Variants in FAM83H observed in about 807,000 individuals in gnomAD.
FAM83H encodes the protein protein FAM83H.
FAM83H carries 24 observed loss-of-function variants against 30.2 expected under a neutral mutation model. The ratio of observed to expected loss-of-function variants is 0.79; its 90% confidence interval spans 0.57 to 1.12. FAM83H has a LOEUF of 1.12. Ranked by LOEUF, FAM83H falls within the 50% of genes most tolerant of loss-of-function variation. The pLI, the probability that FAM83H is intolerant of heterozygous loss-of-function variation, is 0.00. For synonymous variants in FAM83H, 1,013 were observed against 821.7 expected (o/e 1.23, Z -3.98); for missense variants, 2,038 against 1,773.9 (o/e 1.15, Z -2.67).
intron 4 of FAM83H, 87 bp downstream of exon 4, chr8:143,728,880 G>C: frequency 6.2e-7 from 1 of 1,605,666 alleles, no homozygotes; most frequent in Non-Finnish European, 8.5e-7. Flanking sequence ...AGGGCTCCTG[G>C]CGAGGAGGGC....
Position 143,725,901 on chromosome 8 carries a change from G to C in FAM83H, c.*20C>G. 6.2e-7 allele frequency: 1 copy of C among 1,611,602 alleles called. No homozygotes were observed. Among genetic ancestry groups the C allele is most frequent in the Non-Finnish European group, 8.5e-7 (1 of 1,179,408 alleles). ...GGCAGCGATGCGGGCACCCTGGCCT[G>C]GGTTGCCAGGCCAGAAGACTCACTT... is the stretch of plus-strand genomic sequence containing the variant. On this transcript the variant is annotated 3_prime_UTR_variant, in exon 5 of 5. Transcript: ENST00000388913.
Position 143,727,175 on chromosome 8 carries a change from C to T in FAM83H, c.2286G>A (p.Lys762=). 1 of 1,533,874 alleles carries T rather than the reference C, an allele frequency of 6.5e-7. No homozygotes were observed. The highest frequency in any genetic ancestry group is 8.7e-7 in the Non-Finnish European group (1 of 1,145,676). The change falls in exon 5 of 5, where the codon AAG becomes AAA. Residue 762 remains lysine (K), a synonymous_variant. Transcript: ENST00000388913. ...CCCGCCACGCCTGGGACACGACGGC[C>T]TTGCTGTGGCTGGCAACGGTGATGG... ...AGAITVASHS[K]AVVSQAWREE...
chr8:143,726,432 G>A lies in FAM83H; in HGVS notation c.3029C>T (p.Thr1010Met), dbSNP rs1554621776. ...RRLSLGQGDS[T>M]EAATEERGPR... is the part of the protein sequence containing the mutation. ...ACCCCGCTCTTCTGTGGCAGCCTCC[G>A]TGCTGTCACCCTGGCCCAGTGACAG... The change falls in exon 5 of 5, where the codon ACG (threonine) becomes ATG (methionine). Residue 1010 changes from threonine (T) to methionine (M), a missense_variant. Transcript: ENST00000388913. 6 of 1,602,950 alleles carry A rather than the reference G, an allele frequency of 3.7e-6. No individual in the cohort carries two copies. The East Asian group carries it at 1.1e-4, about 30-fold the overall frequency.
chr8:143,729,356 C>T (rs781852173), intron 2 of FAM83H, 33 bp from the exon 3 acceptor site: 1 of 1,610,290 alleles, frequency 6.2e-7, no homozygotes, highest in South Asian at 1.1e-5. Context: ...AGAGGAGAGG[C>T]CCCTGCTGTC....
Position 143,727,841 on chromosome 8 carries a change from CG to C in FAM83H, c.1619del (p.Pro540ArgfsTer5). The C allele has an allele frequency of 7.6e-7, 1 of 1,322,644 alleles. No homozygotes were observed. The allele number at this position is 1,322,644 out of a possible 1,614,324, so 81.9% of individuals were successfully genotyped here. A position where few individuals can be genotyped will look rare whatever the true frequency, so the allele number is the denominator to read the frequency against. On this transcript the variant is annotated frameshift_variant, in exon 5 of 5. Coordinates refer to ENST00000388913, the MANE Select transcript of FAM83H (RefSeq NM_198488.5). LOFTEE classifies it low-confidence loss of function (END_TRUNC). Reference protein sequence around the residue: ...GPRGLEPSGAPRPNLTQRFPC... With the variant: ...GPRGLEPSGAXRPNLTQRFPC... ...GGAAGCGCTGGGTCAGGTTGGGGCGCGGGGCTCCGCTGGGCTCCAGGCCGCG... is the reference window on the plus strand; with the variant it reads ...GGAAGCGCTGGGTCAGGTTGGGGCGCGGGCTCCGCTGGGCTCCAGGCCGCG...
In FAM83H at chr8:143,730,363, C is replaced by T. The variant is rs781999111; in HGVS notation, c.220G>A (p.Val74Ile). ...CTGCCTTCAGGTGGCTCTCGGGTAA[C>T]ATACTGCGGAGGCCGAAGGTGTCGG... Reference protein sequence around the residue: ...VSRHLRPPQYVTREPPEGSLL... With the variant: ...VSRHLRPPQYITREPPEGSLL... The change falls in exon 2 of 5, where the codon GTT becomes ATT. Residue 74 changes from valine (V) to isoleucine (I), a missense_variant. Physicochemically the swap from Val to Ile is conservative, Grantham distance 29. Transcript: ENST00000388913. The T allele has an allele frequency of 6.2e-7, 1 of 1,613,558 alleles. No homozygotes were observed. Among genetic ancestry groups the T allele is most frequent in the African/African-American group, 1.3e-5 (1 of 74,950 alleles).
intron 3 of FAM83H, 32 bp from the exon 4 acceptor site, chr8:143,729,123 C>A (rs782416383): frequency 6.2e-7 from 1 of 1,613,614 alleles, no homozygotes. Context: ...ATCTCTCCCA[C>A]GGGTCCTCCC....
In FAM83H at chr8:143,727,708, A is replaced by T. The variant is rs1818354975; in HGVS notation, c.1753T>A (p.Ser585Thr). The change falls in exon 5 of 5, where the codon TCC (serine) becomes ACC (threonine). Residue 585 changes from serine (S) to threonine (T), a missense_variant. Ser to Thr is a moderately conservative substitution (Grantham distance 58, BLOSUM62 1). Coordinates refer to ENST00000388913, the MANE Select transcript of FAM83H (RefSeq NM_198488.5). ...TCGCCGTGGCAGCCGCTCAAGTAGG[A>T]GGCCAAACGCCAGCGCCGCAGCCCT... is the stretch of plus-strand genomic sequence containing the variant. ...RAGLRRWRLA[S>T]YLSGCHGEDG... is the part of the protein sequence containing the mutation. 6.4e-7 allele frequency: 1 copy of T among 1,554,028 alleles called. No individual in the cohort carries two copies. Among genetic ancestry groups the T allele is most frequent in the Non-Finnish European group, 8.6e-7 (1 of 1,158,086 alleles).
intron 1 of FAM83H, chr8:143,732,751 A>G: frequency 1.0e-6 from 1 of 985,140 alleles, no homozygotes; most frequent in Non-Finnish European, 1.2e-6. Context: ...CGAGCCCAAG[A>G]TGGAGCACCC....
chr8:143,732,494 A>G, intron 1 of FAM83H: 2 of 985,266 alleles, frequency 2.0e-6, no homozygotes, highest in South Asian at 9.4e-5. Context: ...GTACTTCCCG[A>G]CACTGGGGGG....
rs781878907 is a variant in FAM83H at position 143,729,183 on chromosome 8, G to A, written c.588C>T (p.Cys196=). The A allele has an allele frequency of 1.9e-6, 3 of 1,613,692 alleles. No homozygotes were observed. The highest frequency in any genetic ancestry group is 1.6e-4 in the Middle Eastern group (1 of 6,062). ...AQHFLDMADK[C]RVNLQHVDFL... is the part of the protein sequence containing the mutation. ...CATCCACGTGCTGCAGGTTGACACGGCACTTGTCGGCCATGTCCAGGAAGT... is the reference window on the plus strand; with the variant it reads ...CATCCACGTGCTGCAGGTTGACACGACACTTGTCGGCCATGTCCAGGAAGT... The change falls in exon 3 of 5, where the codon TGC becomes TGT. Residue 196 remains cysteine (C), a synonymous_variant. Transcript: ENST00000388913.
In FAM83H at chr8:143,727,736, C is replaced by T. The variant is rs1166814688; in HGVS notation, c.1725G>A (p.Arg575=). ...CCAAACGCCAGCGCCGCAGCCCTGC[C>T]CGCCCCTCGGGCCCGCCCCTGCGCT... The part of the protein sequence containing the change: ...EPERRGGPEG[R]AGLRRWRLAS... Residue 575 remains arginine (R), a synonymous_variant, in exon 5 of 5, where the codon CGG becomes CGA. Transcript: ENST00000388913. 6.6e-7 allele frequency: 1 copy of T among 1,524,986 alleles called. No homozygotes were observed. The highest frequency in any genetic ancestry group is 1.2e-5 in the South Asian group (1 of 83,342). The allele number at this position is 1,524,986 out of a possible 1,614,324, so 94.5% of individuals were successfully genotyped here.
chr8:143,733,141 C>T lies in FAM83H; in HGVS notation c.-16+550G>A, dbSNP rs1308201389. The T allele has an allele frequency of 6.5e-6, 1 of 154,146 alleles. No homozygotes were observed. The highest frequency in any genetic ancestry group is 1.5e-5 in the Non-Finnish European group (1 of 68,248). 9.5% of individuals were successfully genotyped at this position (154,146 alleles called of 1,614,324 possible). A position where few individuals can be genotyped will look rare whatever the true frequency, so the allele number is the denominator to read the frequency against. On this transcript the variant is annotated intron_variant, in intron 1 of 4. Coordinates refer to ENST00000388913, the MANE Select transcript of FAM83H (RefSeq NM_198488.5). The surrounding 1 kb of genome is among the most constrained non-coding windows in gnomAD (Gnocchi z 5.6). Reference sequence around the variant, plus strand: ...CAGTGATAACTTGCGGAGTGGGCACCCCAGCCCCCAACGGGGTCAGTGCAC... The same window carrying T: ...CAGTGATAACTTGCGGAGTGGGCACTCCAGCCCCCAACGGGGTCAGTGCAC...
intron 1 of FAM83H, chr8:143,732,257 T>C: frequency 2.0e-6 from 2 of 985,396 alleles, no homozygotes; most frequent in African/African-American, 1.7e-5. Context: ...GGAGAAGCTG[T>C]CCCAACATTT....
rs549881150 is a variant in FAM83H, at chr8:143,725,156, C to CGGGGGGGGGGGGGGGG, written c.*749_*764dup. The CGGGGGGGGGGGGGGGG allele has an allele frequency of 3.5e-4, 13 of 37,550 alleles. 1 individual carries two copies. The highest frequency in any genetic ancestry group is 9.6e-4 in the South Asian group (1 of 1,044). The allele number at this position is 37,550 out of a possible 1,614,324, so 2.3% of individuals were successfully genotyped here. A position where few individuals can be genotyped will look rare whatever the true frequency, so the allele number is the denominator to read the frequency against. On this transcript the variant is annotated 3_prime_UTR_variant, in exon 5 of 5. Coordinates refer to ENST00000388913, the MANE Select transcript of FAM83H (RefSeq NM_198488.5). ...AAGCCCAGGCGGGGGAGGGGGGAGA[C>CGGGGGGGGGGGGGGGG]GGGGGGGGGGGGGGGGGAGGGAAGG...
At position 143,727,539 on chromosome 8, in the gene FAM83H, G is replaced by T. The variant is rs782382925; in HGVS notation, c.1922C>A (p.Pro641Gln). 1 of 1,585,508 alleles carries T rather than the reference G, an allele frequency of 6.3e-7. No individual in the cohort carries two copies. The highest frequency in any genetic ancestry group is 2.3e-5 in the East Asian group (1 of 44,182). ...GCCGCCGCTGCCCGGGCCTGGCACCGGGACCTTGGTGGGGAAGGCTGCTGG... is the reference window on the plus strand; with the variant it reads ...GCCGCCGCTGCCCGGGCCTGGCACCTGGACCTTGGTGGGGAAGGCTGCTGG... Reference protein sequence around the residue: ...RVPAAFPTKVPVPGPGSGGNG... With the variant: ...RVPAAFPTKVQVPGPGSGGNG... Residue 641 changes from proline (P) to glutamine (Q), a missense_variant, in exon 5 of 5, where the codon CCG (proline) becomes CAG (glutamine). Physicochemically the swap from Pro to Gln is moderately conservative, Grantham distance 76 (BLOSUM62 -1). Transcript: ENST00000388913.
rs782464887 is a variant in FAM83H, at chr8:143,725,891, A to ACCCTGGCGC, written c.*29_*30insGCGCCAGGG. Reference sequence around the variant, plus strand: ...GGATGACCGGGGCAGCGATGCGGGCACCCTGGCCTGGGTTGCCAGGCCAGA... The same window carrying ACCCTGGCGC: ...GGATGACCGGGGCAGCGATGCGGGCACCCTGGCGCCCCTGGCCTGGGTTGCCAGGCCAGA... On this transcript the variant is annotated 3_prime_UTR_variant, in exon 5 of 5. Coordinates refer to ENST00000388913, the MANE Select transcript of FAM83H (RefSeq NM_198488.5). 8 of 1,610,006 alleles carry ACCCTGGCGC rather than the reference A, an allele frequency of 5.0e-6. No homozygotes were observed. The highest frequency in any genetic ancestry group is 5.9e-6 in the Non-Finnish European group (7 of 1,178,740).
In FAM83H at chr8:143,725,769, G is replaced by A. The variant is rs1457397834; in HGVS notation, c.*152C>T. ...AGCTGCCAGGTGAGCCTCCAGTGGA[G>A]CCGAGGTCTGGCGCACTCAGCCAAG... is the stretch of plus-strand genomic sequence containing the variant. On this transcript the variant is annotated 3_prime_UTR_variant, in exon 5 of 5. Coordinates refer to ENST00000388913, the MANE Select transcript of FAM83H (RefSeq NM_198488.5). The A allele has an allele frequency of 2.9e-6, 4 of 1,358,530 alleles. No homozygotes were observed. The highest frequency in any genetic ancestry group is 2.7e-5 in the South Asian group (2 of 73,808). 84.2% of individuals were successfully genotyped at this position (1,358,530 alleles called of 1,614,324 possible). A position where few individuals can be genotyped will look rare whatever the true frequency, so the allele number is the denominator to read the frequency against.
At position 143,726,243 on chromosome 8, in the gene FAM83H, C is replaced by G; in HGVS notation, c.3218G>C (p.Arg1073Pro). 1 of 1,612,258 alleles carries G rather than the reference C, an allele frequency of 6.2e-7. No individual in the cohort carries two copies. The highest frequency in any genetic ancestry group is 8.5e-7 in the Non-Finnish European group (1 of 1,179,702). The change falls in exon 5 of 5, where the codon CGT becomes CCT. Residue 1073 changes from arginine (R) to proline (P), a missense_variant. Physicochemically the swap from Arg to Pro is moderately radical, Grantham distance 103. Transcript: ENST00000388913. ...GGCCAGGACGCCAGCAGCCGGTGGACGGCCTAGCTCGGGGCTGTTGTGGGT... is the reference window on the plus strand; with the variant it reads ...GGCCAGGACGCCAGCAGCCGGTGGAGGGCCTAGCTCGGGGCTGTTGTGGGT... ...GPTHNSPELG[R>P]PPAAGVLAPD...
Sources: gnomAD v4.1 joint callset for allele counts on GRCh38, gnomAD v4.1.1 for gene constraint, Gnocchi (gnomAD v3.1) non-coding constraint, MANE v1.5 for transcripts, NCBI Gene and HGNC (gene_info 2026-07-23, HGNC 2026-07-21) for gene names.